The following LCP2 variants were observed in gnomAD, a reference collection of about 807,000 sequenced individuals.
LCP2 encodes the protein 76 kDa tyrosine phosphoprotein.
LCP2 carries 29 observed loss-of-function variants against 74.5 expected under a neutral mutation model. The observed-to-expected ratio is 0.39, with a 90% CI of 0.29 to 0.53. The LOEUF (loss-of-function observed/expected upper bound fraction) is 0.53, where lower values mean the gene tolerates loss of function less well. Ranked by LOEUF, LCP2 falls within the 20% of genes least tolerant of loss-of-function variation. The probability of loss-of-function intolerance (pLI) is 0.72; values close to 1 mark genes in which losing one functional copy is unlikely to be tolerated. For synonymous variants in LCP2, 228 were observed against 229.5 expected, an observed-to-expected ratio of 0.99 and a Z score of 0.06; for missense variants, 604 against 634.6, an observed-to-expected ratio of 0.95 and a Z score of 0.52.
At chr5:170,270,283 C>T (rs1483860686) in intron 7 of LCP2, among the ~76,000 whole-genome samples, 1 of 152,202 alleles carries the variant, frequency 6.6e-6, no homozygotes, top group Non-Finnish European at 1.5e-5. Flanking sequence ...TCAAACCCTA[C>T]TCAATATCTT....
At chr5:170,267,108 C>T (rs1424374787) in intron 8 of LCP2, 33 bp from the exon 9 acceptor site, 2 of 1,608,972 alleles carry the variant, frequency 1.2e-6, no homozygotes, top group Non-Finnish European at 1.7e-6. Flanking sequence ...GGAAGCACTT[C>T]CAATACATCA....
intron 20 of LCP2, 93 bp downstream of exon 20, chr5:170,250,637 A>G (rs1761414633): frequency 2.0e-6 from 2 of 999,594 alleles, no homozygotes. Flanking sequence ...TAAATTTGCC[A>G]TACAGCACGG....
chr5:170,291,016 G>T (rs315728), intron 2 of LCP2, among the ~76,000 whole-genome samples: 59,499 of 145,872 alleles, frequency 0.41, 12,480 homozygotes, highest in African/African-American at 0.47. Context: ...AAGAAAGAGA[G>T]AAAGAAAGAG....
intron 1 of LCP2, among the ~76,000 whole-genome samples, 157 bp downstream of exon 1, chr5:170,297,377 C>T (rs111570429): frequency 3.3e-5 from 5 of 152,294 alleles, no homozygotes; most frequent in East Asian, 3.9e-4. Context: ...GAAAACTCAG[C>T]GGTCTATATG....
At chr5:170,266,429 C>T (rs1187224890) in intron 10 of LCP2, among the ~76,000 whole-genome samples, 2 of 152,214 alleles carry the variant, frequency 1.3e-5, no homozygotes, top group African/African-American at 2.4e-5. Context: ...AACAGCTCCC[C>T]CAACCCTTTT....
chr5:170,258,739 C>T, intron 15 of LCP2, 127 bp downstream of exon 15: 8 of 624,426 alleles, frequency 1.3e-5, no homozygotes, highest in Non-Finnish European at 2.2e-5. Context: ...CATAAGTCTA[C>T]TTAATACTAA....
rs886610970 is a variant in LCP2, at chr5:170,256,445, C to T, written c.1150+81G>A. On this transcript the variant is annotated intron_variant, in intron 17 of 20. Transcript: ENST00000046794. The surrounding 1 kb of genome is among the most constrained non-coding windows in gnomAD (Gnocchi z 4.5). ...TTTTAGGAAACAATAAAACCTTTGTCGAAAGCTTTTGGGACAGGTTAGGGA... is the reference window on the plus strand; with the variant it reads ...TTTTAGGAAACAATAAAACCTTTGTTGAAAGCTTTTGGGACAGGTTAGGGA... 3.4e-5 allele frequency: 38 copies of T among 1,115,700 alleles called. No homozygotes were observed. Among genetic ancestry groups the T allele is most frequent in the African/African-American group, 7.7e-5 (5 of 64,690 alleles). The allele number at this position is 1,115,700 out of a possible 1,614,324, so 69.1% of individuals were successfully genotyped here.
intron 2 of LCP2, among the ~76,000 whole-genome samples, chr5:170,290,968 GAA>G (rs1491034325): frequency 2.8e-3 from 69 of 25,066 alleles, no homozygotes; most frequent in African/African-American, 9.9e-3. Context: ...AAGAAAGAAA[GAA>G]AGAAAGAAAG....
chr5:170,293,303 A>G lies in LCP2; in HGVS notation c.141+7T>C. 6.2e-7 allele frequency: 1 copy of G among 1,606,356 alleles called. No homozygotes were observed. The highest frequency in any genetic ancestry group is 8.5e-7 in the Non-Finnish European group (1 of 1,176,298). ...GGTTTCAGTGTGTTGGACTAGCCAG[A>G]GCTTACCAAGAAGCGAGCCCCATCG... On this transcript the variant is annotated splice_region_variant and intron_variant, in intron 2 of 20. Transcript: ENST00000046794.
chr5:170,250,986 C>G (rs1238692082), intron 19 of LCP2, 101 bp from the exon 20 acceptor site: 1 of 898,466 alleles, frequency 1.1e-6, no homozygotes, highest in African/African-American at 1.7e-5. Flanking sequence ...ACAAACATGT[C>G]AGTTGCACTT....
chr5:170,270,432 A>G (rs558211630), intron 7 of LCP2: 4 of 363,012 alleles, frequency 1.1e-5, no homozygotes, highest in Non-Finnish European at 2.0e-5. Context: ...TGGTAGTTCA[A>G]TGCTGATATC....
chr5:170,281,242 T>C (rs2113199728), intron 3 of LCP2, among the ~76,000 whole-genome samples: 1 of 151,546 alleles, frequency 6.6e-6, no homozygotes, highest in Admixed American at 6.6e-5. Flanking sequence ...AGGACCATGT[T>C]GGAGAGAGGC....
rs1042850124 is a variant in LCP2 at position 170,258,526 on chromosome 5, A to G, written c.970+340T>C. 1.1e-5 allele frequency: 4 copies of G among 358,266 alleles called. No individual in the cohort carries two copies. In the East Asian group the frequency reaches 1.8e-4, roughly 16 times the overall value. 22.2% of individuals were successfully genotyped at this position (358,266 alleles called of 1,614,324 possible). A position where few individuals can be genotyped will look rare whatever the true frequency, so the allele number is the denominator to read the frequency against. On this transcript the variant is annotated intron_variant, in intron 15 of 20. Transcript: ENST00000046794. The stretch of plus-strand genomic sequence containing the variant: ...TTTATGAAAGTCAAAATTTTATGCT[A>G]TCTCATTCATTGGCAGTTACTGATT...
At chr5:170,263,104 G>T (rs951762104) in intron 10 of LCP2, 112 bp from the exon 11 acceptor site, 1 of 1,256,836 alleles carries the variant, frequency 8.0e-7, no homozygotes, top group Non-Finnish European at 1.1e-6. Context: ...GGTTGATGGG[G>T]TTTAAGCATT....
chr5:170,268,158 CT>C (rs1761803893), intron 8 of LCP2, among the ~76,000 whole-genome samples: 1 of 152,210 alleles, frequency 6.6e-6, no homozygotes, highest in South Asian at 2.1e-4. Context: ...ACAGTTTTCA[CT>C]TCTCTCAAAT....
intron 3 of LCP2, among the ~76,000 whole-genome samples, chr5:170,282,418 C>T (rs1000479576): frequency 6.6e-6 from 1 of 152,200 alleles, no homozygotes; most frequent in African/African-American, 2.4e-5. Context: ...TTCCCCACTC[C>T]TGAAAAGTTA....
At chr5:170,267,158 A>C (rs1356713334) in intron 8 of LCP2, 83 bp from the exon 9 acceptor site, 31 of 1,336,834 alleles carry the variant, frequency 2.3e-5, no homozygotes, top group Non-Finnish European at 3.3e-5. Context: ...GGATCTGCTC[A>C]CTTTTCCTCA....
At chr5:170,291,226 A>AAGGAAGGAAGAAAGG (rs1561979324) in intron 2 of LCP2, among the ~76,000 whole-genome samples, 5,717 of 51,578 alleles carry the variant, frequency 0.11, 170 homozygotes, top group Non-Finnish European at 0.12. Context: ...AGGAAGGAAG[A>AAGGAAGGAAGAAAGG]AAGGAAGGAA....
chr5:170,275,208 G>A, intron 5 of LCP2, 112 bp downstream of exon 5: 1 of 1,159,680 alleles, frequency 8.6e-7, no homozygotes, highest in South Asian at 1.3e-5. Flanking sequence ...TGACAGACAA[G>A]TCAGTAAGGT....
Sources: allele counts gnomAD v4.1 joint callset (sites outside exome capture counted in the v4.1 genomes callset), GRCh38; gene constraint gnomAD v4.1.1; non-coding constraint Gnocchi (gnomAD v3.1); transcripts MANE v1.5; gene names NCBI Gene and HGNC (gene_info 2026-07-23, HGNC 2026-07-21).